Variants in CCDC74A observed in about 807,000 individuals in gnomAD.
The protein encoded by CCDC74A is coiled-coil domain-containing protein 74A.
CCDC74A carries 38 observed loss-of-function variants against 37.6 expected under a neutral mutation model. The observed-to-expected ratio is 1.01, with a 90% CI of 0.78 to 1.33. The LOEUF is 1.33. Among genes scored for constraint, CCDC74A ranks in the 40% most tolerant of loss-of-function variants. The probability of loss-of-function intolerance (pLI) is 0.00; values close to 1 mark genes in which losing one functional copy is unlikely to be tolerated. For missense variants in CCDC74A, 340 were observed against 403.4 expected, an observed-to-expected ratio of 0.84 and a Z score of 1.35; for synonymous variants, 134 against 165.2, an observed-to-expected ratio of 0.81 and a Z score of 1.45.
At chr2:131,523,575 C>A (rs1354008351), upstream of CCDC74A, among the ~76,000 whole-genome samples, 1 of 152,052 alleles carries the variant, frequency 6.6e-6, no homozygotes, top group Non-Finnish European at 1.5e-5. Flanking sequence ...TGCAGTAAGC[C>A]GAGATCGCAC....
At position 131,533,266 on chromosome 2, in the gene CCDC74A, C is replaced by T. The variant is rs1013364756; in HGVS notation, c.810-3C>T. On this transcript the variant is annotated splice_region_variant and splice_polypyrimidine_tract_variant and intron_variant, in intron 7 of 7. Transcript: ENST00000409856. ...ACGGTGACAGTCCCTCTACCCGCCC[C>T]AGCCTGAGCCCACCTGTGGCGGAGC... is the stretch of plus-strand genomic sequence containing the variant. 1 of 1,612,796 alleles carries T rather than the reference C, an allele frequency of 6.2e-7. No homozygotes were observed. Among genetic ancestry groups the T allele is most frequent in the East Asian group, 2.2e-5 (1 of 44,848 alleles).
At chr2:131,530,317 G>A in intron 2 of CCDC74A, 2 of 1,543,342 alleles carry the variant, frequency 1.3e-6, no homozygotes, top group Non-Finnish European at 1.7e-6. Context: ...ACATCTGACT[G>A]GTGGATGGAG....
intron 1 of CCDC74A, chr2:131,528,773 TGCACTCCA>T: frequency 2.8e-6 from 1 of 356,128 alleles, no homozygotes; most frequent in South Asian, 2.1e-5. Context: ...ATCTTGCGAC[TGCACTCCA>T]GCCTCGGTGA....
upstream of CCDC74A, among the ~76,000 whole-genome samples, chr2:131,523,994 T>A (rs1680214650): frequency 6.6e-6 from 1 of 152,064 alleles, no homozygotes; most frequent in African/African-American, 2.4e-5. Context: ...ATGTGCCCAC[T>A]TAGGTCTCTT....
rs551423260 is a variant in CCDC74A at position 131,529,979 on chromosome 2, T to A, written c.295+288T>A. The A allele has an allele frequency of 1.1e-4, 165 of 1,517,492 alleles. 1 individual carries two copies. The East Asian group carries it at 4.0e-3, about 37-fold the overall frequency. 94.0% of individuals were successfully genotyped at this position (1,517,492 alleles called of 1,614,324 possible). On this transcript the variant is annotated intron_variant, in intron 2 of 7. Transcript: ENST00000409856. The stretch of plus-strand genomic sequence containing the variant: ...CTCCCTCCTCCAAGTAGAGCTGAAA[T>A]GGGAAGGAACCCCTGGGACAGCCCC...
At chr2:131,529,823 T>C in intron 2 of CCDC74A, 132 bp downstream of exon 2, 1 of 1,533,776 alleles carries the variant, frequency 6.5e-7, no homozygotes, top group South Asian at 1.3e-5. Context: ...CTGGGGGACC[T>C]GGACAGATGC....
Position 131,531,762 on chromosome 2 carries a change from A to T in CCDC74A, c.445A>T (p.Ser149Cys). Residue 149 changes from serine (S) to cysteine (C), a missense_variant, in exon 4 of 8, where the codon AGC (serine) becomes TGC (cysteine). Coordinates refer to ENST00000409856, the MANE Select transcript of CCDC74A (RefSeq NM_001258306.3). ...GGAAGAGGAGCCCCTACTTCACAACAGCAAGCTGGACAAAGTTCCTGGGGT... is the reference window on the plus strand; with the variant it reads ...GGAAGAGGAGCCCCTACTTCACAACTGCAAGCTGGACAAAGTTCCTGGGGT... Reference protein sequence around the residue: ...DLEEEPLLHNSKLDKVPGVQG... With the variant: ...DLEEEPLLHNCKLDKVPGVQG... 1 of 1,513,702 alleles carries T rather than the reference A, an allele frequency of 6.6e-7. No homozygotes were observed. 93.8% of individuals were successfully genotyped at this position (1,513,702 alleles called of 1,614,324 possible). A position where few individuals can be genotyped will look rare whatever the true frequency, so the allele number is the denominator to read the frequency against.
intron 1 of CCDC74A, among the ~76,000 whole-genome samples, chr2:131,528,894 C>T (rs1680687238): frequency 6.6e-6 from 1 of 152,148 alleles, no homozygotes; most frequent in Admixed American, 6.5e-5. Flanking sequence ...CAGCTAAACA[C>T]ATCGGATCAG....
intron 2 of CCDC74A, chr2:131,530,139 C>T (rs1315830553): frequency 1.9e-6 from 3 of 1,549,796 alleles, no homozygotes; most frequent in African/African-American, 2.7e-5. Context: ...TTCCTGCCAT[C>T]TGGGCAGCAA....
chr2:131,528,667 T>C (rs1038617284), intron 1 of CCDC74A: 4 of 469,332 alleles, frequency 8.5e-6, no homozygotes, highest in South Asian at 5.6e-5. Flanking sequence ...AACAATTAGC[T>C]AGGCGTGGTG....
chr2:131,523,254 A>C (rs1680186562), upstream of CCDC74A, among the ~76,000 whole-genome samples: 1 of 151,988 alleles, frequency 6.6e-6, no homozygotes, highest in Non-Finnish European at 1.5e-5. Flanking sequence ...GCTTCCCTTG[A>C]CTCCCGAAGC....
chr2:131,528,231 G>A lies in CCDC74A; in HGVS notation c.250+11G>A, dbSNP rs898918968. 1.2e-6 allele frequency: 2 copies of A among 1,610,806 alleles called. No homozygotes were observed. The highest frequency in any genetic ancestry group is 2.7e-5 in the African/African-American group (2 of 74,818). ...AGCGGGAAAACAAGGGTGAGCCGGC[G>A]CGGGGCCCTAGGCCGGCCCTGCCTC... On this transcript the variant is annotated intron_variant, in intron 1 of 7. Transcript: ENST00000409856.
intron 4 of CCDC74A, among the ~76,000 whole-genome samples, chr2:131,532,164 C>G (rs1006396511): frequency 6.8e-6 from 1 of 147,876 alleles, no homozygotes; most frequent in African/African-American, 2.4e-5. Flanking sequence ...GGGCACTAGG[C>G]CAGCAGGTCA....
intron 4 of CCDC74A, among the ~76,000 whole-genome samples, 189 bp from the exon 5 acceptor site, chr2:131,532,400 G>A (rs574094206): frequency 1.3e-3 from 199 of 150,320 alleles, no homozygotes; most frequent in Non-Finnish European, 2.3e-3. Flanking sequence ...GGCACCTTCA[G>A]AGGGGAGAAA....
Position 131,528,018 on chromosome 2 carries a change from G to A in CCDC74A, c.48G>A (p.Pro16=). 1.4e-6 allele frequency: 2 copies of A among 1,478,064 alleles called. No individual in the cohort carries two copies. The highest frequency in any genetic ancestry group is 1.4e-5 in the South Asian group (1 of 71,792). The allele number at this position is 1,478,064 out of a possible 1,614,324, so 91.6% of individuals were successfully genotyped here. Residue 16 remains proline, a synonymous_variant, in exon 1 of 8, where the codon CCG becomes CCA. Coordinates refer to ENST00000409856, the MANE Select transcript of CCDC74A (RefSeq NM_001258306.3). ...CTGGGACGCGGCCCCCCAGCTCGCC[G>A]ACCCCGGGCTCTCGGCGCCGGCGCC... The part of the protein sequence containing the change: ...VAAGTRPPSS[P]TPGSRRRRQR...
rs146759203 is a variant in CCDC74A at position 131,533,143 on chromosome 2, G to C, written c.809+74G>C. 4,269 of 1,597,096 alleles carry C rather than the reference G, an allele frequency of 2.7e-3. 54 individuals carry two copies. The highest frequency in any genetic ancestry group is 0.026 in the African/African-American group (1,941 of 74,638). On this transcript the variant is annotated intron_variant, in intron 7 of 7. Coordinates refer to ENST00000409856, the MANE Select transcript of CCDC74A (RefSeq NM_001258306.3). Reference sequence around the variant, plus strand: ...CCCAGGGAGGGAGTGGGGAAGGGAGGGTGGCAGCGCAGAAGCAGAGCTCGC... The same window carrying C: ...CCCAGGGAGGGAGTGGGGAAGGGAGCGTGGCAGCGCAGAAGCAGAGCTCGC...
upstream of CCDC74A, among the ~76,000 whole-genome samples, chr2:131,526,821 C>T (rs951997264): frequency 1.3e-5 from 2 of 152,128 alleles, no homozygotes; most frequent in African/African-American, 4.8e-5. Flanking sequence ...GTTTTTGTCT[C>T]CCTGTTGCCT....
At chr2:131,529,590 T>C (rs1680866079) in intron 1 of CCDC74A, 57 bp from the exon 2 acceptor site, 1 of 1,611,870 alleles carries the variant, frequency 6.2e-7, no homozygotes, top group African/African-American at 1.3e-5. Flanking sequence ...CCAGGCTTCT[T>C]CTCTCAGAAT....
chr2:131,529,779 TG>T (rs1425159017), intron 2 of CCDC74A, 88 bp downstream of exon 2: 16 of 1,571,732 alleles, frequency 1.0e-5, no homozygotes, highest in Non-Finnish European at 1.4e-5. Flanking sequence ...CTGGCTGCAC[TG>T]GCCCCTGTAT....
Sources: allele counts gnomAD v4.1 joint callset (sites outside exome capture counted in the v4.1 genomes callset), GRCh38; gene constraint gnomAD v4.1.1; transcripts MANE v1.5; gene names NCBI Gene and HGNC (gene_info 2026-07-23, HGNC 2026-07-21).